Variants in MEGF10 observed in about 807,000 individuals in gnomAD.
The protein encoded by MEGF10 is multiple epidermal growth factor-like domains protein 10.
MEGF10 carries 86 observed loss-of-function variants against 147.5 expected under a neutral mutation model. The ratio of observed to expected loss-of-function variants is 0.58; its 90% confidence interval spans 0.49 to 0.70. MEGF10 has a LOEUF of 0.70. MEGF10 is among the 30% of genes least tolerant of loss of function. The pLI is 0.00. For synonymous variants in MEGF10, 478 were observed against 525.5 expected (o/e 0.91, Z 1.24); for missense variants, 1,329 against 1,487.3 (o/e 0.89, Z 1.75).
intron 12 of MEGF10, 92 bp from the exon 13 acceptor site, chr5:127,422,568 AGCAGGGTACT>A: frequency 1.2e-6 from 1 of 822,610 alleles, no homozygotes; most frequent in South Asian, 1.5e-5. Flanking sequence ...CGTTTGGGAC[AGCAGGGTACT>A]GTATGTGAAA....
chr5:127,454,188 C>T (rs1212967439), intron 22 of MEGF10, among the ~76,000 whole-genome samples: 1 of 152,178 alleles, frequency 6.6e-6, no homozygotes, highest in Non-Finnish European at 1.5e-5. Context: ...ATTGGGAAAA[C>T]TATTTGAAAA....
chr5:127,418,296 T>C (rs1327719334), intron 10 of MEGF10, among the ~76,000 whole-genome samples: 1 of 152,242 alleles, frequency 6.6e-6, no homozygotes, highest in Non-Finnish European at 1.5e-5. Context: ...CCATGCATAA[T>C]AGAGCAGAAT....
intron 4 of MEGF10, among the ~76,000 whole-genome samples, chr5:127,356,716 G>C (rs1400511080): frequency 6.6e-6 from 1 of 152,188 alleles, no homozygotes; most frequent in Non-Finnish European, 1.5e-5. Context: ...CAGAAACTTG[G>C]ATCCTAGGCA....
At chr5:127,384,236 C>T (rs1443540752) in intron 5 of MEGF10, among the ~76,000 whole-genome samples, 1 of 152,170 alleles carries the variant, frequency 6.6e-6, no homozygotes, top group Non-Finnish European at 1.5e-5. Flanking sequence ...AGCTATGGTA[C>T]ATGTCTTGGT....
intron 20 of MEGF10, 51 bp downstream of exon 20, chr5:127,445,744 A>G (rs759758882): frequency 1.5e-6 from 2 of 1,367,256 alleles, no homozygotes; most frequent in Admixed American, 1.7e-5. Flanking sequence ...GTTAAATTTC[A>G]TTCGGGTTCT....
At chr5:127,449,470 C>T (rs41298314) in intron 22 of MEGF10, among the ~76,000 whole-genome samples, 2 of 152,270 alleles carry the variant, frequency 1.3e-5, no homozygotes, top group South Asian at 4.2e-4. Flanking sequence ...TCTGCCTGCT[C>T]GTAGCTTACA....
intron 1 of MEGF10, among the ~76,000 whole-genome samples, chr5:127,325,875 A>G (rs1760999778): frequency 7.7e-6 from 1 of 129,276 alleles, no homozygotes. Context: ...ATATACATAT[A>G]TGTGTGTGTG....
chr5:127,247,449 G>T, the MEGF10 span, among the ~76,000 whole-genome samples: 1 of 125,150 alleles, frequency 8.0e-6, no homozygotes, highest in African/African-American at 3.5e-5. Context: ...AGAAGAAGAA[G>T]AAGAAGAAGA....
intron 11 of MEGF10, 131 bp downstream of exon 11, chr5:127,419,371 C>T (rs775406771): frequency 9.1e-7 from 1 of 1,103,164 alleles, no homozygotes; most frequent in Non-Finnish European, 1.3e-6. Flanking sequence ...TCCGCAAGCC[C>T]CTCATCCAGT....
chr5:127,435,531 G>T, intron 16 of MEGF10, 42 bp downstream of exon 16: 4 of 1,565,142 alleles, frequency 2.6e-6, no homozygotes, highest in Non-Finnish European at 3.5e-6. Context: ...GTTCTTATTT[G>T]TTTGTTTTCA....
intron 5 of MEGF10, among the ~76,000 whole-genome samples, chr5:127,391,150 ACACATACATG>A (rs1561614988): frequency 1.1e-4 from 4 of 35,016 alleles, no homozygotes; most frequent in African/African-American, 1.8e-4. Context: ...ACACACACAC[ACACATACATG>A]CTTATTTCTT....
chr5:127,454,689 C>A, intron 23 of MEGF10, 79 bp downstream of exon 23: 1 of 1,295,294 alleles, frequency 7.7e-7, no homozygotes, highest in Non-Finnish European at 1.1e-6. Flanking sequence ...AGTTTTTAAA[C>A]AAGCTAGAAT....
At chr5:127,306,689 G>A (rs1418142753) in intron 1 of MEGF10, among the ~76,000 whole-genome samples, 3 of 152,210 alleles carry the variant, frequency 2.0e-5, no homozygotes, top group Admixed American at 6.5e-5. Context: ...GGTGGTTAGC[G>A]CTGGGCCTCA....
At chr5:127,284,780 C>T in the MEGF10 span, among the ~76,000 whole-genome samples, 1 of 152,120 alleles carries the variant, frequency 6.6e-6, no homozygotes, top group Admixed American at 6.5e-5. Flanking sequence ...ACTCTGTGAA[C>T]TCTAGTCTAT....
rs139525984 is a variant in MEGF10, at chr5:127,306,171, C to G, written c.-19+15115C>G. On this transcript the variant is annotated intron_variant, in intron 1 of 24. Transcript: ENST00000503335. ...GGTTGTGCTATTTACAAAAATGAGG[C>G]CATGTAATTAGGGCCCCGGTGCCGT... Among the ~76,000 whole-genome samples, 221 of 152,274 alleles carry G rather than the reference C, an allele frequency of 1.5e-3. 1 individual carries two copies. The highest frequency in any genetic ancestry group is 5.2e-3 in the African/African-American group (215 of 41,546).
At chr5:127,347,903 A>G (rs1761950756) in intron 4 of MEGF10, among the ~76,000 whole-genome samples, 2 of 152,044 alleles carry the variant, frequency 1.3e-5, no homozygotes, top group Admixed American at 1.3e-4. Context: ...CATGCCTATT[A>G]ATCATGTAGG....
At chr5:127,243,282 C>T in the MEGF10 span, among the ~76,000 whole-genome samples, 1 of 152,200 alleles carries the variant, frequency 6.6e-6, no homozygotes, top group Middle Eastern at 3.4e-3. Flanking sequence ...TTTCCCTGTC[C>T]TTGTTTGGGC....
intron 16 of MEGF10, among the ~76,000 whole-genome samples, chr5:127,437,471 T>C (rs1765598543): frequency 6.6e-6 from 1 of 152,232 alleles, no homozygotes; most frequent in African/African-American, 2.4e-5. Context: ...TTCATATGTA[T>C]TATTGATTGT....
chr5:127,368,673 A>G lies in MEGF10; in HGVS notation c.320-1237A>G, dbSNP rs550605868. Among the ~76,000 whole-genome samples, 76 of 152,116 alleles carry G rather than the reference A, an allele frequency of 5.0e-4. 1 individual carries two copies. Among genetic ancestry groups the G allele is most frequent in the African/African-American group, 1.8e-3 (75 of 41,494 alleles). ...AAAATGCCCTCCCTTATATATCTTCATCTCTAAATCTTATGATCAAGACCT... is the reference window on the plus strand; with the variant it reads ...AAAATGCCCTCCCTTATATATCTTCGTCTCTAAATCTTATGATCAAGACCT... On this transcript the variant is annotated intron_variant, in intron 4 of 24. Transcript: ENST00000503335.
Sources: gnomAD v4.1 joint callset for allele counts (sites outside exome capture counted in the v4.1 genomes callset) on GRCh38, gnomAD v4.1.1 for gene constraint, MANE v1.5 for transcripts, NCBI Gene and HGNC (gene_info 2026-07-23, HGNC 2026-07-21) for gene names.